MKX: variants seen among roughly 807,000 people sequenced by gnomAD.
The protein encoded by MKX is homeobox protein Mohawk.
In MKX, 13 loss-of-function variants were observed where a neutral mutation model predicts 36.0. The observed-to-expected ratio is 0.36, with a 90% CI of 0.24 to 0.57. The LOEUF (loss-of-function observed/expected upper bound fraction) is 0.57. MKX is among the 20% of genes least tolerant of loss of function. The pLI is 0.79. For missense variants in MKX, 458 were observed against 456.4 expected (o/e 1.00, Z -0.03); for synonymous variants, 176 against 178.3 (o/e 0.99, Z 0.10).
intron 5 of MKX, among the ~76,000 whole-genome samples, chr10:27,677,501 A>G (rs1836175748): frequency 6.6e-6 from 1 of 152,188 alleles, no homozygotes; most frequent in South Asian, 2.1e-4. Context: ...AGAGATAGTC[A>G]AGAGAAAATA....
At chr10:27,692,796 A>T (rs1836478689) in intron 5 of MKX, among the ~76,000 whole-genome samples, 1 of 152,216 alleles carries the variant, frequency 6.6e-6, no homozygotes, top group Admixed American at 6.5e-5. Flanking sequence ...ATACACTGAC[A>T]TAGTGATGAG....
chr10:27,741,469 C>G lies in MKX; in HGVS notation c.224G>C (p.Arg75Pro), dbSNP rs1289661127. The G allele has an allele frequency of 6.2e-7, 1 of 1,605,920 alleles. No individual in the cohort carries two copies. Among genetic ancestry groups the G allele is most frequent in the Non-Finnish European group, 8.5e-7 (1 of 1,177,190 alleles). The change falls in exon 3 of 7, where the codon CGG (arginine) becomes CCG (proline). Residue 75 changes from arginine to proline, a missense_variant. By Grantham distance (103) the Arg-to-Pro change is moderately radical. Around this residue, in one of 3 missense-constraint regions of MKX, gnomAD observed 149 missense variants for 114.3 expected, o/e 1.30. Transcript: ENST00000419761. The surrounding 1 kb of genome is among the most constrained non-coding windows in gnomAD (Gnocchi z 5.1). ...TCGCGCCATGTCTTGCAGGGCCTGC[C>G]GCTTGTGCCTCACCTTCCCGCCATT... The part of the protein sequence containing the change: ...RQNGGKVRHK[R>P]QALQDMARPL...
rs558979941 is a variant in MKX at position 27,683,898 on chromosome 10, C to T, written c.839-8344G>A. Among the ~76,000 whole-genome samples the T allele has an allele frequency of 6.6e-5, 10 of 152,324 alleles. No homozygotes were observed. The East Asian group carries it at 1.9e-3, about 29-fold the overall frequency. The stretch of plus-strand genomic sequence containing the variant: ...CAGGGCTCACAAGCAATCCCCAGGG[C>T]TCCCTGCTCACATTGCTGCAGTCTC... On this transcript the variant is annotated intron_variant, in intron 5 of 6. Transcript: ENST00000419761.
rs1015551221 is a variant in MKX at position 27,734,457 on chromosome 10, T to C, written c.837A>G (p.Thr279=). The part of the protein sequence containing the change: ...SETEGNFVYR[T]DTLENGSNKG... Reference sequence around the variant, plus strand: ...TTACTACAGAAAGCACGGACTTACCTGTGCGATAGACAAAGTTGCCTTCAG... The same window carrying C: ...TTACTACAGAAAGCACGGACTTACCCGTGCGATAGACAAAGTTGCCTTCAG... The change falls in exon 5 of 7, where the codon ACA becomes ACG. Residue 279 remains threonine, a splice_region_variant and synonymous_variant. Transcript: ENST00000419761. 1.9e-6 allele frequency: 3 copies of C among 1,612,892 alleles called. No individual in the cohort carries two copies. Among genetic ancestry groups the C allele is most frequent in the Non-Finnish European group, 2.5e-6 (3 of 1,179,150 alleles).
At chr10:27,717,660 G>A (rs1000238449) in intron 5 of MKX, among the ~76,000 whole-genome samples, 7 of 152,220 alleles carry the variant, frequency 4.6e-5, no homozygotes, top group African/African-American at 1.7e-4. Context: ...CCTATTCCCA[G>A]GGAAAGCCTG....
intron 5 of MKX, among the ~76,000 whole-genome samples, chr10:27,685,793 C>T (rs946109586): frequency 6.6e-6 from 1 of 152,186 alleles, no homozygotes; most frequent in Non-Finnish European, 1.5e-5. Context: ...CCTGTAACCG[C>T]TCCTCTATAG....
In MKX at chr10:27,673,229, C is replaced by T. The variant is rs1035696884; in HGVS notation, c.*2000G>A. The T allele has an allele frequency of 1.3e-5, 2 of 152,022 alleles. No individual in the cohort carries two copies. Among genetic ancestry groups the T allele is most frequent in the Non-Finnish European group, 2.9e-5 (2 of 67,976 alleles). 9.4% of individuals were successfully genotyped at this position (152,022 alleles called of 1,614,324 possible). On this transcript the variant is annotated 3_prime_UTR_variant, in exon 7 of 7. Transcript: ENST00000419761. ...TAAAAAAAATCATGTGAATAGTTGTCCTATATTGCCTTGTCATCTATAATT... is the reference window on the plus strand; with the variant it reads ...TAAAAAAAATCATGTGAATAGTTGTTCTATATTGCCTTGTCATCTATAATT...
intron 5 of MKX, among the ~76,000 whole-genome samples, chr10:27,696,565 C>A (rs1836558448): frequency 6.6e-6 from 1 of 152,094 alleles, no homozygotes; most frequent in Non-Finnish European, 1.5e-5. Context: ...GCACAAGCTG[C>A]ATATTACAAA....
chr10:27,696,416 A>C (rs540922732), intron 5 of MKX, among the ~76,000 whole-genome samples: 18 of 152,318 alleles, frequency 1.2e-4, no homozygotes, highest in Non-Finnish European at 2.5e-4. Context: ...CACACTTTTA[A>C]GATTTACCTT....
chr10:27,737,239 A>T (rs1039953829), intron 3 of MKX, among the ~76,000 whole-genome samples: 4 of 152,168 alleles, frequency 2.6e-5, no homozygotes, highest in African/African-American at 9.6e-5. Flanking sequence ...TTATCCAGCC[A>T]TACTACTAGC....
intron 5 of MKX, among the ~76,000 whole-genome samples, chr10:27,698,418 T>C (rs1836594011): frequency 1.3e-5 from 2 of 152,100 alleles, no homozygotes; most frequent in African/African-American, 4.8e-5. Flanking sequence ...CGAGGAGTCC[T>C]GGGGATTAAG....
intron 5 of MKX, among the ~76,000 whole-genome samples, chr10:27,705,011 C>T (rs191614135): frequency 3.9e-4 from 60 of 151,912 alleles, no homozygotes; most frequent in Non-Finnish European, 6.9e-4. Context: ...CATCAGAGTC[C>T]GTATCAAAAG....
intron 5 of MKX, among the ~76,000 whole-genome samples, chr10:27,706,851 T>C (rs774444578): frequency 3.9e-5 from 6 of 152,210 alleles, no homozygotes; most frequent in Non-Finnish European, 7.3e-5. Flanking sequence ...AAAGAATCTC[T>C]GTAAGAATAT....
At chr10:27,698,037 G>A (rs775739825) in intron 5 of MKX, among the ~76,000 whole-genome samples, 1 of 152,202 alleles carries the variant, frequency 6.6e-6, no homozygotes, top group Non-Finnish European at 1.5e-5. Context: ...AGGTCAAGGT[G>A]AACAGGAGTT....
intron 5 of MKX, among the ~76,000 whole-genome samples, chr10:27,686,537 T>C (rs1836357688): frequency 6.6e-6 from 1 of 151,872 alleles, no homozygotes; most frequent in Non-Finnish European, 1.5e-5. Context: ...AGTGCAGTGG[T>C]GTGATCTCGG....
intron 5 of MKX, among the ~76,000 whole-genome samples, chr10:27,698,868 AAATC>A (rs977232180): frequency 2.6e-5 from 4 of 152,220 alleles, no homozygotes; most frequent in African/African-American, 9.6e-5. Flanking sequence ...AGAGGTATGT[AAATC>A]AATCAATCAA....
In MKX at chr10:27,734,622, G is replaced by A; in HGVS notation, c.672C>T (p.Asn224=). 8 of 1,614,196 alleles carry A rather than the reference G, an allele frequency of 5.0e-6. No homozygotes were observed. Among genetic ancestry groups the A allele is most frequent in the African/African-American group, 2.7e-5 (2 of 75,044 alleles). ...APPKYKSSLL[N]RYLNDSLRHV... is the part of the protein sequence containing the mutation. ...GTCTCAAAGAGTCATTAAGGTAACG[G>A]TTCAACAAGCTGCTCTTGTATTTGG... Residue 224 remains asparagine (N), a synonymous_variant, in exon 5 of 7, where the codon AAC becomes AAT. Transcript: ENST00000419761.
intron 5 of MKX, among the ~76,000 whole-genome samples, chr10:27,715,524 C>T (rs1366587491): frequency 6.6e-6 from 1 of 152,124 alleles, no homozygotes; most frequent in Non-Finnish European, 1.5e-5. Context: ...AAGGACTCTC[C>T]CTGCAAACTC....
intron 5 of MKX, among the ~76,000 whole-genome samples, chr10:27,732,179 A>AT (rs914769858): frequency 1.3e-5 from 2 of 151,994 alleles, no homozygotes; most frequent in East Asian, 1.9e-4. Context: ...TAACGTTTAC[A>AT]TTTTTTTTAA....
Sources: gnomAD v4.1 joint callset for allele counts (sites outside exome capture counted in the v4.1 genomes callset) on GRCh38, gnomAD v4.1.1 for gene constraint, gnomAD v4.1.1 regional missense constraint, Gnocchi (gnomAD v3.1) non-coding constraint, MANE v1.5 for transcripts, NCBI Gene and HGNC (gene_info 2026-07-23, HGNC 2026-07-21) for gene names.